The following WWOX variants were observed in gnomAD, a reference collection of about 807,000 sequenced individuals.
WWOX encodes WW domain-containing oxidoreductase.
In WWOX, 69 loss-of-function variants were observed where a neutral mutation model predicts 46.2. The ratio of observed to expected loss-of-function variants is 1.49; its 90% CI spans 1.23 to 1.82. WWOX has a LOEUF of 1.82. Ranked by LOEUF, WWOX falls within the 40% of genes most tolerant of loss-of-function variation. The pLI, the probability that WWOX is intolerant of heterozygous loss-of-function variation, is 0.00. For missense variants in WWOX, 919 were observed against 542.6 expected, an observed-to-expected ratio of 1.69 and a Z score of -6.89; for synonymous variants, 359 against 202.6, an observed-to-expected ratio of 1.77 and a Z score of -6.56.
intron 8 of WWOX, among the ~76,000 whole-genome samples, chr16:78,800,944 C>T (rs1490365338): frequency 1.3e-5 from 1 of 75,788 alleles, no homozygotes; most frequent in Admixed American, 1.1e-4. Context: ...ATGGAAGTTT[C>T]GAAAAACAGA....
intron 4 of WWOX, among the ~76,000 whole-genome samples, chr16:78,161,626 T>G (rs1597288755): frequency 6.6e-6 from 1 of 152,132 alleles, no homozygotes; most frequent in Non-Finnish European, 1.5e-5. Flanking sequence ...CTTTTTTAAT[T>G]TTAATTTTTG....
intron 8 of WWOX, among the ~76,000 whole-genome samples, chr16:79,050,720 G>A (rs990463404): frequency 7.2e-5 from 11 of 152,286 alleles, no homozygotes; most frequent in African/African-American, 2.4e-4. Flanking sequence ...AATGAATGGG[G>A]CTACATAGGT....
intron 8 of WWOX, among the ~76,000 whole-genome samples, chr16:79,123,256 G>A (rs1161483559): frequency 1.3e-5 from 2 of 152,090 alleles, no homozygotes; most frequent in Non-Finnish European, 2.9e-5. Flanking sequence ...TCCTCGGTGG[G>A]GACAGGAGAG....
At chr16:79,081,912 A>T (rs1240807843) in intron 8 of WWOX, among the ~76,000 whole-genome samples, 2 of 152,184 alleles carry the variant, frequency 1.3e-5, no homozygotes, top group African/African-American at 4.8e-5. Context: ...GTTCACTCAC[A>T]GTGAAACCGT....
At chr16:78,611,644 T>G (rs191239200) in intron 8 of WWOX, among the ~76,000 whole-genome samples, 26 of 152,342 alleles carry the variant, frequency 1.7e-4, no homozygotes, top group Admixed American at 1.6e-3. Context: ...GATGCTGCGT[T>G]AGCCAGCCTC....
At chr16:79,011,655 G>A (rs937443228) in intron 8 of WWOX, among the ~76,000 whole-genome samples, 1 of 151,626 alleles carries the variant, frequency 6.6e-6, no homozygotes, top group Admixed American at 6.6e-5. Context: ...ACCATAGCCA[G>A]CTATTTTTTT....
chr16:78,772,304 C>A (rs1180131173), intron 8 of WWOX, among the ~76,000 whole-genome samples: 1 of 152,174 alleles, frequency 6.6e-6, no homozygotes, highest in Non-Finnish European at 1.5e-5. Context: ...TTGATTTTCT[C>A]TTCCTGCATT....
intron 8 of WWOX, chr16:78,552,687 C>T (rs563194424): frequency 6.6e-6 from 1 of 152,342 alleles, no homozygotes; most frequent in East Asian, 1.9e-4. Flanking sequence ...TTAGTTCTTT[C>T]TCCTCCTAAG....
intron 6 of WWOX, among the ~76,000 whole-genome samples, chr16:78,418,382 A>G (rs1350780814): frequency 2.6e-5 from 4 of 151,866 alleles, no homozygotes; most frequent in Non-Finnish European, 4.4e-5. Context: ...AAAAAAAAAA[A>G]GAATTAATAT....
At chr16:78,184,576 A>G (rs55929707) in intron 5 of WWOX, among the ~76,000 whole-genome samples, 33,542 of 120,654 alleles carry the variant, frequency 0.28, 3,772 homozygotes, top group Middle Eastern at 0.37. Flanking sequence ...CGTTTATACT[A>G]TAAACATATG....
chr16:79,198,554 G>A (rs1442476623), intron 8 of WWOX, among the ~76,000 whole-genome samples: 1 of 152,154 alleles, frequency 6.6e-6, no homozygotes, highest in Non-Finnish European at 1.5e-5. Flanking sequence ...AACCTAACTA[G>A]AGACATTAAT....
intron 8 of WWOX, chr16:78,550,694 G>T (rs2044152699): frequency 6.6e-6 from 1 of 152,200 alleles, no homozygotes; most frequent in Non-Finnish European, 1.5e-5. Flanking sequence ...CTCCTGGGCT[G>T]TGCTGGGGAT....
intron 4 of WWOX, among the ~76,000 whole-genome samples, chr16:78,150,611 C>T (rs550663278): frequency 4.5e-4 from 69 of 152,196 alleles, no homozygotes; most frequent in Non-Finnish European, 7.9e-4. Context: ...TTGAACTCCT[C>T]AGCTCAAGCA....
chr16:78,786,788 C>G (rs1421965055), intron 8 of WWOX, among the ~76,000 whole-genome samples: 1 of 152,162 alleles, frequency 6.6e-6, no homozygotes, highest in Non-Finnish European at 1.5e-5. Flanking sequence ...TTCTACATGC[C>G]AAGAATGTTT....
intron 5 of WWOX, 111 bp downstream of exon 5, chr16:78,164,400 T>C (rs1450604645): frequency 6.2e-6 from 6 of 968,080 alleles, no homozygotes; most frequent in Non-Finnish European, 9.6e-6. Flanking sequence ...GAATCATGTC[T>C]TTATTTTTAA....
intron 8 of WWOX, among the ~76,000 whole-genome samples, chr16:79,173,345 A>T (rs1026449699): frequency 8.5e-5 from 13 of 152,176 alleles, no homozygotes; most frequent in African/African-American, 3.1e-4. Context: ...TGTTTGGGGT[A>T]CAACTCAGTA....
At chr16:78,151,915 G>T (rs1023960150) in intron 4 of WWOX, among the ~76,000 whole-genome samples, 1 of 152,278 alleles carries the variant, frequency 6.6e-6, no homozygotes, top group Admixed American at 6.5e-5. Context: ...TGGAGGCCAG[G>T]CGCGGTGGCT....
intron 8 of WWOX, among the ~76,000 whole-genome samples, chr16:79,074,281 G>T (rs2048608372): frequency 6.6e-6 from 1 of 151,956 alleles, no homozygotes; most frequent in Non-Finnish European, 1.5e-5. Context: ...AGGAACCTGG[G>T]TTTCTAATGA....
chr16:78,644,767 C>T (rs888452122), intron 8 of WWOX, among the ~76,000 whole-genome samples: 4 of 152,162 alleles, frequency 2.6e-5, no homozygotes, highest in African/African-American at 9.7e-5. Context: ...CCAGCCAAAC[C>T]TCGGCACTTT....
Sources: allele counts gnomAD v4.1 joint callset (sites outside exome capture counted in the v4.1 genomes callset), GRCh38; gene constraint gnomAD v4.1.1; transcripts MANE v1.5; gene names NCBI Gene and HGNC (gene_info 2026-07-23, HGNC 2026-07-21).